The following GRIP2 variants were observed in gnomAD, a reference collection of about 807,000 sequenced individuals.
GRIP2 encodes glutamate receptor interacting protein 2, also known as glutamate receptor-interacting protein 2.
GRIP2 carries 58 observed loss-of-function variants against 108.3 expected under a neutral mutation model. The ratio of observed to expected loss-of-function variants is 0.54; its 90% confidence interval spans 0.43 to 0.67. GRIP2 has a LOEUF of 0.67. Among genes scored for constraint, GRIP2 ranks in the 30% least tolerant of loss-of-function variants. The pLI is 0.00. For missense variants in GRIP2, 1,278 were observed against 1,430.6 expected (o/e 0.89, Z 1.72); for synonymous variants, 586 against 598.2 (o/e 0.98, Z 0.30).
At chr3:14,547,036 G>C (rs1695068734), upstream of GRIP2, among the ~76,000 whole-genome samples, 1 of 152,158 alleles carries the variant, frequency 6.6e-6, no homozygotes, top group Non-Finnish European at 1.5e-5. Flanking sequence ...AGGTGACCTG[G>C]GACTCCATCC....
At chr3:14,578,398 T>G in the GRIP2 span, among the ~76,000 whole-genome samples, 1 of 152,098 alleles carries the variant, frequency 6.6e-6, no homozygotes, top group Admixed American at 6.5e-5. Flanking sequence ...CTAAGGGAAG[T>G]GGTGCATATG....
the GRIP2 span, among the ~76,000 whole-genome samples, chr3:14,593,075 A>G: frequency 6.6e-6 from 1 of 152,122 alleles, no homozygotes; most frequent in Non-Finnish European, 1.5e-5. Context: ...ACACGTGGAC[A>G]CCACTGGGAA....
At chr3:14,567,506 G>A in the GRIP2 span, among the ~76,000 whole-genome samples, 4 of 152,132 alleles carry the variant, frequency 2.6e-5, no homozygotes, top group Non-Finnish European at 5.9e-5. Context: ...GAGACAGCAC[G>A]AGGTTCAGGA....
rs1170459617 is a variant in GRIP2 at position 14,507,186 on chromosome 3, G to A, written c.2219-206C>T. Among the ~76,000 whole-genome samples, 1 of 152,226 alleles carries A rather than the reference G, an allele frequency of 6.6e-6. No homozygotes were observed. Among genetic ancestry groups the A allele is most frequent in the East Asian group, 1.9e-4 (1 of 5,192 alleles). ...TGAGCAGCATGCCCGAGATCACACAGTGAGCACCAGTGGAGCCAGGATTAG... is the reference window on the plus strand; with the variant it reads ...TGAGCAGCATGCCCGAGATCACACAATGAGCACCAGTGGAGCCAGGATTAG... On this transcript the variant is annotated intron_variant, in intron 18 of 23. Coordinates refer to ENST00000621039, the MANE Select transcript of GRIP2 (RefSeq NM_001080423.4). The surrounding 1 kb of genome is among the most constrained non-coding windows in gnomAD (Gnocchi z 4.6).
chr3:14,573,982 T>C, the GRIP2 span: 19 of 1,120,236 alleles, frequency 1.7e-5, no homozygotes, highest in Non-Finnish European at 2.5e-5. Context: ...TCCTGGCATA[T>C]GCAAGGCGAA....
At chr3:14,523,893 TGA>T in intron 4 of GRIP2, 195 bp from the exon 5 acceptor site, 2 of 579,644 alleles carry the variant, frequency 3.5e-6, no homozygotes, top group Non-Finnish European at 6.1e-6. Context: ...AGCCCACCAC[TGA>T]GAGAGAGGAA....
chr3:14,572,409 G>A, the GRIP2 span, among the ~76,000 whole-genome samples: 2 of 151,578 alleles, frequency 1.3e-5, no homozygotes, highest in African/African-American at 4.9e-5. Flanking sequence ...TCAGGAGATC[G>A]AGACCATCCC....
In GRIP2 at chr3:14,503,673, T is replaced by G; in HGVS notation, c.2574-2A>C. ...TCTCGGGCAGGGCCAGGGGCTGGGC[T>G]GTAACGTAGGAACCAGAGAGCGTCA... On this transcript the variant is annotated splice_acceptor_variant, in intron 20 of 23. Coordinates refer to ENST00000621039, the MANE Select transcript of GRIP2 (RefSeq NM_001080423.4). LOFTEE classifies it high-confidence loss of function. 6.3e-7 allele frequency: 1 copy of G among 1,590,580 alleles called. No individual in the cohort carries two copies. The highest frequency in any genetic ancestry group is 1.4e-5 in the African/African-American group (1 of 73,006).
chr3:14,522,034 C>G lies in GRIP2; in HGVS notation c.567-247G>C, dbSNP rs956212629. ...GGGGTGGCTCTGCCGCCTGCCACTC[C>G]TCTGGGTGTGCAGTAATTCACAGAC... On this transcript the variant is annotated intron_variant, in intron 6 of 23. Coordinates refer to ENST00000621039, the MANE Select transcript of GRIP2 (RefSeq NM_001080423.4). This position sits in a 1 kb window ranked among gnomAD's most constrained non-coding sequence, Gnocchi z 4.3. 2 of 519,954 alleles carry G rather than the reference C, an allele frequency of 3.8e-6. No individual in the cohort carries two copies. Among genetic ancestry groups the G allele is most frequent in the East Asian group, 6.8e-5 (2 of 29,558 alleles). The allele number at this position is 519,954 out of a possible 1,614,324, so 32.2% of individuals were successfully genotyped here.
At chr3:14,518,512 A>C (rs938151353) in intron 9 of GRIP2, among the ~76,000 whole-genome samples, 3 of 151,608 alleles carry the variant, frequency 2.0e-5, no homozygotes, top group Non-Finnish European at 4.4e-5. Flanking sequence ...AATTCTTTGC[A>C]CTCCTGTTCC....
chr3:14,499,242 A>C (rs555083254), intron 21 of GRIP2, among the ~76,000 whole-genome samples: 2 of 152,356 alleles, frequency 1.3e-5, no homozygotes, highest in East Asian at 3.9e-4. Flanking sequence ...GGCCACAGCC[A>C]AGACAAAGTG....
chr3:14,548,950 G>A (rs1695100029), intron 1 of GRIP2, among the ~76,000 whole-genome samples: 1 of 152,122 alleles, frequency 6.6e-6, no homozygotes, highest in South Asian at 2.1e-4. Context: ...TCCACCCAGA[G>A]GCCCACCCTG....
At chr3:14,543,870 A>C (rs1695017858), upstream of GRIP2, among the ~76,000 whole-genome samples, 1 of 152,204 alleles carries the variant, frequency 6.6e-6, no homozygotes. Flanking sequence ...TTCCTGTGTG[A>C]TCGGGGCACT....
At chr3:14,574,073 G>A in the GRIP2 span, 13 of 1,472,156 alleles carry the variant, frequency 8.8e-6, no homozygotes, top group African/African-American at 1.5e-4. Flanking sequence ...TGACGTTCTC[G>A]TAGACCCAGT....
At chr3:14,580,539 T>TA in the GRIP2 span, among the ~76,000 whole-genome samples, 11 of 151,844 alleles carry the variant, frequency 7.2e-5, no homozygotes, top group South Asian at 4.2e-4. Context: ...CTACAAAAAA[T>TA]AAAAAAAATT....
chr3:14,551,518 C>T (rs1335525307), intron 1 of GRIP2, among the ~76,000 whole-genome samples: 2 of 152,182 alleles, frequency 1.3e-5, no homozygotes, highest in African/African-American at 2.4e-5. Context: ...AGGCGGAGAG[C>T]GGGAGGAGAC....
the GRIP2 span, among the ~76,000 whole-genome samples, chr3:14,565,929 T>G: frequency 0.17 from 26,224 of 152,158 alleles, 2,416 homozygotes; most frequent in Middle Eastern, 0.29. Context: ...GAGCGTGCCC[T>G]AGGTGACACA....
chr3:14,514,301 G>A lies in GRIP2; in HGVS notation c.1484C>T (p.Pro495Leu), dbSNP rs749899854. Residue 495 changes from proline to leucine, a missense_variant, in exon 12 of 24, where the codon CCG becomes CTG. By Grantham distance (98) the Pro-to-Leu change is moderately conservative. Coordinates refer to ENST00000621039, the MANE Select transcript of GRIP2 (RefSeq NM_001080423.4). Reference protein sequence around the residue: ...PLVCFIEPDSPAERCGLLQVG... With the variant: ...PLVCFIEPDSLAERCGLLQVG... ...GGGGCAGGAGGCTCACCTCTCAGCC[G>A]GACTGTCAGGCTCGATGAAGCACAC... is the stretch of plus-strand genomic sequence containing the variant. The A allele has an allele frequency of 4.2e-5, 66 of 1,560,554 alleles. No homozygotes were observed. The highest frequency in any genetic ancestry group is 1.7e-4 in the Middle Eastern group (1 of 5,826).
At chr3:14,498,933 G>C (rs957346726) in intron 21 of GRIP2, among the ~76,000 whole-genome samples, 1 of 152,214 alleles carries the variant, frequency 6.6e-6, no homozygotes, top group Non-Finnish European at 1.5e-5. Flanking sequence ...TTTGGAGCTG[G>C]GGTACTGTTC....
Sources: allele counts gnomAD v4.1 joint callset (sites outside exome capture counted in the v4.1 genomes callset), GRCh38; gene constraint gnomAD v4.1.1; non-coding constraint Gnocchi (gnomAD v3.1); transcripts MANE v1.5; gene names NCBI Gene and HGNC (gene_info 2026-07-23, HGNC 2026-07-21).